Variants in OTUD7A observed in about 807,000 individuals in gnomAD.
OTUD7A encodes the protein OTU deubiquitinase 7A, also known as OTU domain-containing protein 7A.
In OTUD7A, 12 loss-of-function variants were observed where a neutral mutation model predicts 65.7. That is an observed-to-expected ratio of 0.18 (90% confidence interval 0.12 to 0.30). OTUD7A has a LOEUF of 0.30. Among genes scored for constraint, OTUD7A ranks in the 10% least tolerant of loss-of-function variants. The probability of loss-of-function intolerance (pLI) is 1.00; values close to 1 mark genes in which losing one functional copy is unlikely to be tolerated. For missense variants in OTUD7A, 1,148 were observed against 1,304.8 expected (o/e 0.88, Z 1.85); for synonymous variants, 641 against 586.3 (o/e 1.09, Z -1.35).
chr15:31,842,163 C>T (rs1227453724), intron 1 of OTUD7A, among the ~76,000 whole-genome samples: 1 of 152,244 alleles, frequency 6.6e-6, no homozygotes, highest in East Asian at 1.9e-4. Context: ...CATGGTCCCA[C>T]ATACATAAAG....
chr15:31,503,903 G>A (rs925554572), intron 8 of OTUD7A, 85 bp from the exon 9 acceptor site: 1 of 1,504,824 alleles, frequency 6.6e-7, no homozygotes, highest in African/African-American at 1.4e-5. Context: ...TGCAGGGGCT[G>A]AGCCCTCCCC....
intron 5 of OTUD7A, among the ~76,000 whole-genome samples, chr15:31,539,367 G>C (rs1887914522): frequency 1.0e-5 from 1 of 95,378 alleles, no homozygotes; most frequent in African/African-American, 4.2e-5. Flanking sequence ...AGTAACCCAG[G>C]GTCATATGAC....
At chr15:31,640,387 C>T (rs895521124) in intron 3 of OTUD7A, among the ~76,000 whole-genome samples, 2 of 152,020 alleles carry the variant, frequency 1.3e-5, no homozygotes, top group African/African-American at 4.8e-5. Context: ...CCACCTGTAC[C>T]CCAATAACCT....
At chr15:31,782,394 A>G (rs937168176) in intron 1 of OTUD7A, among the ~76,000 whole-genome samples, 5 of 152,226 alleles carry the variant, frequency 3.3e-5, no homozygotes, top group Non-Finnish European at 7.3e-5. Context: ...TTCCCTGAAT[A>G]CGGCAAAGGT....
chr15:31,842,039 T>A (rs2140994983), intron 1 of OTUD7A, among the ~76,000 whole-genome samples: 1 of 152,346 alleles, frequency 6.6e-6, no homozygotes, highest in East Asian at 1.9e-4. Context: ...CAGTGAATGC[T>A]GTATATTTGC....
At chr15:31,781,539 T>C (rs1293212328) in intron 1 of OTUD7A, among the ~76,000 whole-genome samples, 2 of 152,238 alleles carry the variant, frequency 1.3e-5, no homozygotes, top group South Asian at 2.1e-4. Context: ...TTTTGAAACC[T>C]GACTGCACCA....
chr15:31,732,230 A>C (rs1325087038), intron 1 of OTUD7A, among the ~76,000 whole-genome samples: 1 of 152,226 alleles, frequency 6.6e-6, no homozygotes, highest in East Asian at 1.9e-4. Flanking sequence ...AGCAGAAACC[A>C]TGTAGATGCA....
rs532485659 is a variant in OTUD7A, at chr15:31,645,706, T to G, written c.151+9390A>C. Among the ~76,000 whole-genome samples the G allele has an allele frequency of 2.6e-4, 40 of 152,358 alleles. No individual in the cohort carries two copies. In the Middle Eastern group the frequency reaches 0.01, roughly 39 times the overall value. On this transcript the variant is annotated intron_variant, in intron 3 of 12. Coordinates refer to ENST00000307050, the MANE Select transcript of OTUD7A (RefSeq NM_001382637.1). ...TTTTTTAGTTTGTTGGAATCAGTAT[T>G]CAAATAATGTGCATACATTATCACT...
intron 1 of OTUD7A, among the ~76,000 whole-genome samples, chr15:31,730,576 C>T (rs1566992377): frequency 1.3e-5 from 2 of 152,182 alleles, no homozygotes; most frequent in African/African-American, 2.4e-5. Flanking sequence ...TATTTCCTGG[C>T]GTATACACTG....
chr15:31,809,217 C>T (rs1470046349), intron 1 of OTUD7A, among the ~76,000 whole-genome samples: 1 of 152,192 alleles, frequency 6.6e-6, no homozygotes, highest in Non-Finnish European at 1.5e-5. Flanking sequence ...AGGAACGTTC[C>T]TGTAATAGAA....
chr15:31,648,561 T>C (rs1891744505), intron 3 of OTUD7A, among the ~76,000 whole-genome samples: 1 of 152,192 alleles, frequency 6.6e-6, no homozygotes, highest in Admixed American at 6.5e-5. Flanking sequence ...TAACGTTCTT[T>C]TCTCCTGATC....
chr15:31,582,704 C>T (rs1245567089), intron 3 of OTUD7A, among the ~76,000 whole-genome samples: 1 of 152,204 alleles, frequency 6.6e-6, no homozygotes, highest in Non-Finnish European at 1.5e-5. Context: ...ATTATCTCCA[C>T]CTGGCCCTGC....
intron 3 of OTUD7A, among the ~76,000 whole-genome samples, chr15:31,589,346 C>A (rs1266855602): frequency 6.7e-6 from 1 of 150,220 alleles, no homozygotes; most frequent in African/African-American, 2.5e-5. Flanking sequence ...GTCACACAGG[C>A]TGGCGTGTAG....
Position 31,483,726 on chromosome 15 carries a change from C to G in OTUD7A, c.2370G>C (p.Ala790=). ...HVQASGARDE[A]CAPAVGALRP... ...GCAGCGCCCCCACGGCCGGCGCGCACGCCTCGTCCCGCGCGCCCGACGCCT... is the reference window on the plus strand; with the variant it reads ...GCAGCGCCCCCACGGCCGGCGCGCAGGCCTCGTCCCGCGCGCCCGACGCCT... Residue 790 remains alanine, a synonymous_variant, in exon 13 of 13, where the codon GCG becomes GCC. Coordinates refer to ENST00000307050, the MANE Select transcript of OTUD7A (RefSeq NM_001382637.1). The G allele has an allele frequency of 1.8e-6, 2 of 1,120,552 alleles. No individual in the cohort carries two copies. Among genetic ancestry groups the G allele is most frequent in the Non-Finnish European group, 2.2e-6 (2 of 919,214 alleles). 69.4% of individuals were successfully genotyped at this position (1,120,552 alleles called of 1,614,324 possible).
rs115701345 is a variant in OTUD7A at position 31,775,359 on chromosome 15, C to T, written c.-100+95148G>A. 1.4e-3 allele frequency among the ~76,000 whole-genome samples: 208 copies of T among 152,314 alleles called. 1 individual carries two copies. Among genetic ancestry groups the T allele is most frequent in the African/African-American group, 4.8e-3 (201 of 41,572 alleles). Reference sequence around the variant, plus strand: ...TGAGGATTATTTTAGGTGCTCAGCACACATCAGTGGATGAAAACCTCTGCC... The same window carrying T: ...TGAGGATTATTTTAGGTGCTCAGCATACATCAGTGGATGAAAACCTCTGCC... On this transcript the variant is annotated intron_variant, in intron 1 of 12. Transcript: ENST00000307050.
intron 4 of OTUD7A, among the ~76,000 whole-genome samples, chr15:31,562,746 G>T (rs11856610): frequency 6.6e-6 from 1 of 152,012 alleles, no homozygotes; most frequent in East Asian, 1.9e-4. Context: ...AGGCTTTGTG[G>T]GCCATGCAGT....
At chr15:31,664,718 G>A (rs957447010) in intron 1 of OTUD7A, among the ~76,000 whole-genome samples, 21 of 152,082 alleles carry the variant, frequency 1.4e-4, no homozygotes, top group African/African-American at 4.3e-4. Flanking sequence ...GTTCTTGCTC[G>A]TGAAATCCTT....
chr15:31,673,199 G>A lies in OTUD7A; in HGVS notation c.-99-16122C>T, dbSNP rs148375631. 5.5e-3 allele frequency among the ~76,000 whole-genome samples: 840 copies of A among 152,328 alleles called. 2 individuals carry two copies. Among genetic ancestry groups the A allele is most frequent in the Middle Eastern group, 0.027 (8 of 294 alleles). Reference sequence around the variant, plus strand: ...CAGAAGCTCCTTGACTTATGATGGGGTAACCTCCCAAGAAATCTATCCTAA... The same window carrying A: ...CAGAAGCTCCTTGACTTATGATGGGATAACCTCCCAAGAAATCTATCCTAA... On this transcript the variant is annotated intron_variant, in intron 1 of 12. Transcript: ENST00000307050.
chr15:31,793,605 T>C (rs1397202940), intron 1 of OTUD7A, among the ~76,000 whole-genome samples: 1 of 152,254 alleles, frequency 6.6e-6, no homozygotes, highest in East Asian at 1.9e-4. Context: ...GGTGCCATTT[T>C]CTTAAGTCCT....
Sources: gnomAD v4.1 joint callset for allele counts (sites outside exome capture counted in the v4.1 genomes callset) on GRCh38, gnomAD v4.1.1 for gene constraint, MANE v1.5 for transcripts, NCBI Gene and HGNC (gene_info 2026-07-23, HGNC 2026-07-21) for gene names.